GBA1: variants seen among roughly 807,000 people sequenced by gnomAD.
GBA1 encodes glucosylceramidase beta 1, also known as lysosomal acid glucosylceramidase.
chr1:155,240,965 T>C, the GBA1 span: 2 of 986,636 alleles, frequency 2.0e-6, no homozygotes, highest in Admixed American at 3.7e-5. Flanking sequence ...TCCCTCCATC[T>C]GTGCCTTGCT....
the GBA1 span, chr1:155,241,027 T>C: frequency 6.8e-7 from 1 of 1,464,100 alleles, no homozygotes; most frequent in Admixed American, 1.7e-5. Flanking sequence ...TTCATTAAAT[T>C]CCAGTGCCAG....
At chr1:155,240,400 G>T in the GBA1 span, 2 of 612,062 alleles carry the variant, frequency 3.3e-6, no homozygotes, top group Non-Finnish European at 5.8e-6. Context: ...GGAGGCAGAG[G>T]TTGGAATGAG....
At chr1:155,236,524 T>C in the GBA1 span, 1 of 1,359,380 alleles carries the variant, frequency 7.4e-7, no homozygotes. Flanking sequence ...CTGGAACTTC[T>C]AGTTCCTGTT....
At chr1:155,236,072 G>T in the GBA1 span, 1 of 749,890 alleles carries the variant, frequency 1.3e-6, no homozygotes, top group Non-Finnish European at 2.3e-6. Flanking sequence ...GGGGCAATGA[G>T]GTGTGCAGAC....
chr1:155,239,882 T>C, the GBA1 span: 7 of 1,614,012 alleles, frequency 4.3e-6, no homozygotes, highest in African/African-American at 4.0e-5. Flanking sequence ...GGTGTAATGG[T>C]TACCTGTGCC....
the GBA1 span, chr1:155,237,392 G>A: frequency 1.2e-6 from 2 of 1,613,884 alleles, no homozygotes; most frequent in Admixed American, 1.7e-5. Flanking sequence ...GCATGAGTAG[G>A]CGGACATTGT....
chr1:155,241,134 A>G, the GBA1 span: 3 of 1,613,014 alleles, frequency 1.9e-6, no homozygotes, highest in Admixed American at 1.7e-5. Context: ...CATTAGATGA[A>G]GAGAAGACCA....
the GBA1 span, chr1:155,244,593 T>A: frequency 2.6e-5 from 4 of 152,142 alleles, no homozygotes; most frequent in African/African-American, 7.2e-5. Flanking sequence ...GACTGGAGAC[T>A]GGGGCCCCGC....
the GBA1 span, among the ~76,000 whole-genome samples, chr1:155,243,357 C>T: frequency 1.3e-5 from 2 of 152,186 alleles, no homozygotes; most frequent in Non-Finnish European, 2.9e-5. Flanking sequence ...ATTTCCTGAG[C>T]ACATTCTACA....
chr1:155,243,338 C>T, the GBA1 span, among the ~76,000 whole-genome samples: 1 of 152,204 alleles, frequency 6.6e-6, no homozygotes, highest in Non-Finnish European at 1.5e-5. Context: ...GTTCATTCAT[C>T]TCACAGATAT....
the GBA1 span, chr1:155,237,234 C>G: frequency 6.3e-7 from 1 of 1,577,836 alleles, no homozygotes; most frequent in Non-Finnish European, 8.6e-7. Context: ...GGGAATGGTG[C>G]TCTAGGAATC....
chr1:155,239,635 T>C, the GBA1 span: 1 of 1,614,166 alleles, frequency 6.2e-7, no homozygotes, highest in South Asian at 1.1e-5. Flanking sequence ...AGAAGTACGA[T>C]TTAAGTAGCA....
At chr1:155,239,754 G>T in the GBA1 span, 1 of 1,614,092 alleles carries the variant, frequency 6.2e-7, no homozygotes, top group Non-Finnish European at 8.5e-7. Context: ...TGCAGGGTCA[G>T]TAGCAGGCCT....
At chr1:155,235,774 C>G in the GBA1 span, 1 of 1,614,198 alleles carries the variant, frequency 6.2e-7, no homozygotes, top group South Asian at 1.1e-5. Flanking sequence ...GTTACGCACC[C>G]AATTGGGTCC....
the GBA1 span, chr1:155,240,615 C>A: frequency 6.2e-7 from 1 of 1,608,554 alleles, no homozygotes; most frequent in Non-Finnish European, 8.5e-7. Flanking sequence ...CTCCCCACTG[C>A]CTTGACTCAC....
At chr1:155,240,202 A>T in the GBA1 span, 1 of 832,808 alleles carries the variant, frequency 1.2e-6, no homozygotes, top group Non-Finnish European at 1.9e-6. Flanking sequence ...AGGGGCTCAC[A>T]CCTGTAATCC....
the GBA1 span, chr1:155,237,845 T>C: frequency 1.5e-6 from 1 of 687,228 alleles, no homozygotes; most frequent in Non-Finnish European, 2.4e-6. Context: ...GAGGTTACAG[T>C]GAGTGAAGAT....
chr1:155,237,482 C>T, the GBA1 span: 2 of 1,613,982 alleles, frequency 1.2e-6, no homozygotes, highest in Non-Finnish European at 1.7e-6. Flanking sequence ...AGCCCAGGCA[C>T]TGGAAGGGGT....
At chr1:155,238,746 G>C in the GBA1 span, 2 of 1,604,068 alleles carry the variant, frequency 1.2e-6, no homozygotes, top group South Asian at 2.2e-5. Flanking sequence ...GTCTGAGTCA[G>C]GGCCAAAGGG....
Sources: gnomAD v4.1 joint callset for allele counts (sites outside exome capture counted in the v4.1 genomes callset) on GRCh38, gnomAD v4.1.1 for gene constraint, MANE v1.5 for transcripts, NCBI Gene and HGNC (gene_info 2026-07-23, HGNC 2026-07-21) for gene names.